Variants in KIF5A observed in about 807,000 individuals in gnomAD.
The protein encoded by KIF5A is kinesin heavy chain isoform 5A.
KIF5A carries 35 observed loss-of-function variants against 141.3 expected under a neutral mutation model. The ratio of observed to expected loss-of-function variants is 0.25; its 90% CI spans 0.19 to 0.33. KIF5A has a LOEUF of 0.33. Among genes scored for constraint, KIF5A ranks in the 10% least tolerant of loss-of-function variants. KIF5A has a pLI of 1.00. For missense variants in KIF5A, 861 were observed against 1,314.3 expected (o/e 0.66, Z 5.33); for synonymous variants, 448 against 500.2 (o/e 0.90, Z 1.39).
At position 57,572,162 on chromosome 12, in the gene KIF5A, G is replaced by T; in HGVS notation, c.1464G>T (p.Leu488=). ...CTAAGGATGAGGTGAAGGAAGTGCT[G>T]CAGGCCCTGGAGGAGCTGGCTGTGA... The part of the protein sequence containing the change: ...DAAKDEVKEV[L]QALEELAVNY... The change falls in exon 14 of 29, where the codon CTG becomes CTT. Residue 488 remains leucine, a synonymous_variant. Coordinates refer to ENST00000455537, the MANE Select transcript of KIF5A (RefSeq NM_004984.4). The surrounding 1 kb of genome is among the most constrained non-coding windows in gnomAD (Gnocchi z 4.2). The T allele has an allele frequency of 6.2e-7, 1 of 1,614,016 alleles. No individual in the cohort carries two copies. Among genetic ancestry groups the T allele is most frequent in the South Asian group, 1.1e-5 (1 of 91,006 alleles).
intron 8 of KIF5A, among the ~76,000 whole-genome samples, chr12:57,568,331 T>C (rs1478181029): frequency 6.6e-6 from 1 of 152,254 alleles, no homozygotes; most frequent in East Asian, 1.9e-4. Context: ...TGTCATCTTC[T>C]ATTCACAGTC....
Position 57,564,227 on chromosome 12 carries a change from A to G in KIF5A, c.396+15A>G. ...TCCACATCAAGGTGACCAGGGCACGACAGCTGGGCATTCAGATGGGGACTG... is the reference window on the plus strand; with the variant it reads ...TCCACATCAAGGTGACCAGGGCACGGCAGCTGGGCATTCAGATGGGGACTG... On this transcript the variant is annotated intron_variant, in intron 4 of 28. Coordinates refer to ENST00000455537, the MANE Select transcript of KIF5A (RefSeq NM_004984.4). The G allele has an allele frequency of 6.5e-7, 1 of 1,541,024 alleles. No homozygotes were observed. Among genetic ancestry groups the G allele is most frequent in the Non-Finnish European group, 9.0e-7 (1 of 1,113,504 alleles).
intron 3 of KIF5A, 127 bp downstream of exon 3, chr12:57,563,820 T>A: frequency 1.1e-6 from 1 of 887,966 alleles, no homozygotes; most frequent in Admixed American, 1.9e-5. Context: ...GTACAGAGGA[T>A]GAACTGAAGG....
chr12:57,556,696 G>T (rs1253524772), intron 1 of KIF5A, among the ~76,000 whole-genome samples: 1 of 151,194 alleles, frequency 6.6e-6, no homozygotes, highest in Non-Finnish European at 1.5e-5. Flanking sequence ...ATGTGTTTGT[G>T]GGGGGAGGGG....
At chr12:57,558,802 G>A (rs945291383) in intron 1 of KIF5A, among the ~76,000 whole-genome samples, 1 of 152,140 alleles carries the variant, frequency 6.6e-6, no homozygotes, top group Non-Finnish European at 1.5e-5. Context: ...TCAAGACAGG[G>A]TCTCACTCTG....
In KIF5A at chr12:57,572,184, G is replaced by A. The variant is rs2140165263; in HGVS notation, c.1486G>A (p.Val496Met). ...GCTGCAGGCCCTGGAGGAGCTGGCT[G>A]TGAACTATGACCAGAAGTCCCAGGA... ...EVLQALEELA[V>M]NYDQKSQEVE... Residue 496 changes from valine (V) to methionine (M), a missense_variant, in exon 14 of 29, where the codon GTG becomes ATG. This residue lies in a region of KIF5A where 7 missense variants were observed against 26.5 expected (regional missense o/e 0.26). Coordinates refer to ENST00000455537, the MANE Select transcript of KIF5A (RefSeq NM_004984.4). This position sits in a 1 kb window ranked among gnomAD's most constrained non-coding sequence, Gnocchi z 4.2. 1 of 1,613,774 alleles carries A rather than the reference G, an allele frequency of 6.2e-7. No individual in the cohort carries two copies. The highest frequency in any genetic ancestry group is 8.5e-7 in the Non-Finnish European group (1 of 1,179,834).
At position 57,563,621 on chromosome 12, in the gene KIF5A, T is replaced by A; in HGVS notation, c.219T>A (p.Asp73Glu). 1 of 1,614,114 alleles carries A rather than the reference T, an allele frequency of 6.2e-7. No homozygotes were observed. The highest frequency in any genetic ancestry group is 8.5e-7 in the Non-Finnish European group (1 of 1,179,942). The change falls in exon 3 of 29, where the codon GAT becomes GAA. Residue 73 changes from aspartate to glutamate, a missense_variant and splice_region_variant. Asp to Glu is a conservative substitution (Grantham distance 45). Coordinates refer to ENST00000455537, the MANE Select transcript of KIF5A (RefSeq NM_004984.4). The stretch of plus-strand genomic sequence containing the variant: ...CTCTTTCTCTACTGTCTCTTCCAGA[T>A]GTCCTTGCTGGCTACAATGGCACCA... ...YHACAMQIVK[D>E]VLAGYNGTIF...
intron 1 of KIF5A, 99 bp from the exon 2 acceptor site, chr12:57,563,340 G>C: frequency 1.2e-6 from 1 of 861,922 alleles, no homozygotes; most frequent in Non-Finnish European, 2.0e-6. Context: ...GGGCATTGAA[G>C]AAAAGGGTGC....
At chr12:57,582,368 C>T (rs1049758212) in intron 26 of KIF5A, among the ~76,000 whole-genome samples, 3 of 152,156 alleles carry the variant, frequency 2.0e-5, no homozygotes, top group Non-Finnish European at 2.9e-5. Context: ...CCTATTACCA[C>T]GCCAATCCCA....
intron 19 of KIF5A, 93 bp from the exon 20 acceptor site, chr12:57,576,668 G>A (rs982416463): frequency 2.6e-5 from 25 of 945,538 alleles, no homozygotes; most frequent in Non-Finnish European, 3.4e-5. Flanking sequence ...GGACTCACTC[G>A]TTCAAAAAGG....
intron 23 of KIF5A, among the ~76,000 whole-genome samples, 193 bp downstream of exon 23, chr12:57,578,535 A>G (rs1384980555): frequency 6.6e-6 from 1 of 152,148 alleles, no homozygotes; most frequent in African/African-American, 2.4e-5. Flanking sequence ...TCATGCCTGT[A>G]TTCCCTTCTC....
intron 19 of KIF5A, 50 bp from the exon 20 acceptor site, chr12:57,576,711 C>T (rs775731261): frequency 2.2e-6 from 3 of 1,363,442 alleles, no homozygotes; most frequent in Non-Finnish European, 3.1e-6. Flanking sequence ...TCCCTTCCCC[C>T]TCATTAACAT....
chr12:57,586,506 G>T lies in KIF5A; in HGVS notation c.*2325G>T, dbSNP rs1016147964. 6.6e-6 allele frequency: 1 copy of T among 152,288 alleles called. No homozygotes were observed. Among genetic ancestry groups the T allele is most frequent in the Non-Finnish European group, 1.5e-5 (1 of 68,046 alleles). 9.4% of individuals were successfully genotyped at this position (152,288 alleles called of 1,614,324 possible). ...GGTCACTGCAAGGGGCACCTGGCCT[G>T]CCCACTCACATCTGCCAAAATGTTG... On this transcript the variant is annotated 3_prime_UTR_variant, in exon 29 of 29. Transcript: ENST00000455537.
Position 57,550,435 on chromosome 12 carries a change from G to T in KIF5A, c.129+35G>T. ...GCCCAGGAGGGAATTCGGGGAGGGG[G>T]CAGGTGGCTGAATCTCCCCGCCCCC... On this transcript the variant is annotated intron_variant, in intron 1 of 28. Transcript: ENST00000455537. This position sits in a 1 kb window ranked among gnomAD's most constrained non-coding sequence, Gnocchi z 4.6. 2 of 1,611,416 alleles carry T rather than the reference G, an allele frequency of 1.2e-6. No homozygotes were observed. The highest frequency in any genetic ancestry group is 1.7e-4 in the Middle Eastern group (1 of 5,940).
chr12:57,579,231 C>T (rs941485987), intron 23 of KIF5A, among the ~76,000 whole-genome samples: 3 of 152,078 alleles, frequency 2.0e-5, no homozygotes, highest in Non-Finnish European at 4.4e-5. Flanking sequence ...TGCAGAAGGG[C>T]AGTCCAAAGG....
chr12:57,565,002 G>A, intron 6 of KIF5A, 29 bp downstream of exon 6: 1 of 1,605,716 alleles, frequency 6.2e-7, no homozygotes, highest in East Asian at 2.2e-5. Flanking sequence ...CACCTATGTG[G>A]GGCCAGTGTA....
intron 1 of KIF5A, among the ~76,000 whole-genome samples, chr12:57,552,396 G>C (rs1881605809): frequency 1.3e-5 from 2 of 152,178 alleles, no homozygotes; most frequent in South Asian, 4.1e-4. Context: ...TGCCAATTCA[G>C]ATTCCATCTC....
chr12:57,564,439 T>A (rs1882002566), intron 4 of KIF5A, 21 bp from the exon 5 acceptor site: 3 of 1,594,248 alleles, frequency 1.9e-6, no homozygotes, highest in Non-Finnish European at 2.6e-6. Context: ...TACTTCACAC[T>A]CCTTCTTTCT....
chr12:57,582,249 A>G (rs915135608), intron 26 of KIF5A, among the ~76,000 whole-genome samples: 2 of 152,074 alleles, frequency 1.3e-5, no homozygotes, highest in Non-Finnish European at 2.9e-5. Context: ...GTAAAGCCCC[A>G]TCTCTAAAAT....
Sources: gnomAD v4.1 joint callset for allele counts (sites outside exome capture counted in the v4.1 genomes callset) on GRCh38, gnomAD v4.1.1 for gene constraint, gnomAD v4.1.1 regional missense constraint, Gnocchi (gnomAD v3.1) non-coding constraint, MANE v1.5 for transcripts, NCBI Gene and HGNC (gene_info 2026-07-23, HGNC 2026-07-21) for gene names.